Variants in CRIM1 observed in about 807,000 individuals in gnomAD.
CRIM1 encodes the protein cysteine rich transmembrane BMP regulator 1, also known as cysteine-rich motor neuron 1 protein.
CRIM1 carries 32 observed loss-of-function variants against 116.4 expected under a neutral mutation model. That is an observed-to-expected ratio of 0.27 (90% CI 0.21 to 0.37). CRIM1 has a LOEUF of 0.37. CRIM1 is among the 10% of genes least tolerant of loss of function. CRIM1 has a pLI of 1.00. For synonymous variants in CRIM1, 590 were observed against 509.2 expected, an observed-to-expected ratio of 1.16 and a Z score of -2.13; for missense variants, 1,331 against 1,354.8, an observed-to-expected ratio of 0.98 and a Z score of 0.28.
chr2:36,377,054 C>G (rs890217980), intron 1 of CRIM1, among the ~76,000 whole-genome samples: 1 of 152,188 alleles, frequency 6.6e-6, no homozygotes, highest in African/African-American at 2.4e-5. Flanking sequence ...CTTGCCTCCC[C>G]CCATGTGGGT....
intron 2 of CRIM1, among the ~76,000 whole-genome samples, chr2:36,432,779 C>G (rs1674992227): frequency 6.9e-6 from 1 of 144,258 alleles, no homozygotes; most frequent in South Asian, 2.2e-4. Flanking sequence ...TTGGAGTCAG[C>G]TGGGGAACTG....
intron 7 of CRIM1, among the ~76,000 whole-genome samples, chr2:36,497,770 C>T (rs1680702957): frequency 6.6e-6 from 1 of 152,182 alleles, no homozygotes; most frequent in Admixed American, 6.5e-5. Flanking sequence ...GTCATCGTTG[C>T]CTGCTACCTG....
At chr2:36,445,900 G>A (rs1475280724) in intron 4 of CRIM1, among the ~76,000 whole-genome samples, 6 of 152,064 alleles carry the variant, frequency 3.9e-5, no homozygotes, top group Non-Finnish European at 8.8e-5. Context: ...GCATATTTAG[G>A]CATAAAGAAG....
intron 1 of CRIM1, among the ~76,000 whole-genome samples, chr2:36,383,768 C>T (rs376067946): frequency 7.9e-5 from 12 of 152,070 alleles, no homozygotes; most frequent in African/African-American, 2.9e-4. Context: ...GCTGGGCACA[C>T]TATGGTAGTA....
Position 36,414,942 on chromosome 2 carries a change from T to G in CRIM1, c.505+18155T>G, listed in dbSNP as rs572275527. ...GATGGAGATGAGAGGATGCCCTTTT[T>G]AAGATCAACTGTGGCTGCCATGTGG... On this transcript the variant is annotated intron_variant, in intron 2 of 16. Coordinates refer to ENST00000280527, the MANE Select transcript of CRIM1 (RefSeq NM_016441.3). Among the ~76,000 whole-genome samples the G allele has an allele frequency of 2.2e-4, 34 of 152,274 alleles. 1 individual carries two copies. Among genetic ancestry groups the G allele is most frequent in the African/African-American group, 7.9e-4 (33 of 41,550 alleles).
intron 1 of CRIM1, among the ~76,000 whole-genome samples, chr2:36,391,837 T>G (rs531938372): frequency 6.6e-6 from 1 of 152,104 alleles, no homozygotes; most frequent in South Asian, 2.1e-4. Context: ...CCTGATACTT[T>G]AGTATGAATA....
intron 12 of CRIM1, among the ~76,000 whole-genome samples, chr2:36,520,936 T>C (rs1418190110): frequency 6.6e-6 from 1 of 152,318 alleles, no homozygotes; most frequent in Admixed American, 6.5e-5. Context: ...ACTCTTTTGA[T>C]TGTGTATGCA....
intron 2 of CRIM1, among the ~76,000 whole-genome samples, chr2:36,419,008 C>T (rs1673849026): frequency 6.6e-6 from 1 of 152,310 alleles, no homozygotes; most frequent in South Asian, 2.1e-4. Flanking sequence ...TCCTTCCTCT[C>T]TCCTGCTGTA....
At chr2:36,473,005 G>T (rs1408691166) in intron 5 of CRIM1, among the ~76,000 whole-genome samples, 1 of 152,136 alleles carries the variant, frequency 6.6e-6, no homozygotes, top group African/African-American at 2.4e-5. Flanking sequence ...TGTAGTACGT[G>T]TGCACACATA....
At chr2:36,533,557 A>G (rs557618932) in intron 13 of CRIM1, among the ~76,000 whole-genome samples, 29 of 152,222 alleles carry the variant, frequency 1.9e-4, no homozygotes, top group African/African-American at 6.7e-4. Flanking sequence ...TTGCACCACT[A>G]CACTCCAGCC....
Position 36,466,543 on chromosome 2 carries a change from T to C in CRIM1, c.991+1888T>C, listed in dbSNP as rs550031471. Among the ~76,000 whole-genome samples, 7 of 152,340 alleles carry C rather than the reference T, an allele frequency of 4.6e-5. No homozygotes were observed. The South Asian group carries it at 1.4e-3, about 32-fold the overall frequency. ...CCCTGGGTTCCCAGCATCTCAGATA[T>C]GCTTCATCCAGTGCTCATCACTTGG... On this transcript the variant is annotated intron_variant, in intron 5 of 16. Transcript: ENST00000280527.
chr2:36,516,029 C>T (rs142801781), intron 11 of CRIM1, among the ~76,000 whole-genome samples: 121 of 152,290 alleles, frequency 7.9e-4, no homozygotes, highest in Middle Eastern at 6.8e-3. Context: ...TGAATGTAAG[C>T]ATTGATTGAT....
chr2:36,393,859 T>G (rs1671813857), intron 1 of CRIM1, among the ~76,000 whole-genome samples: 1 of 152,118 alleles, frequency 6.6e-6, no homozygotes, highest in Admixed American at 6.5e-5. Flanking sequence ...GAAAAATGAG[T>G]CTGCAGAAGT....
intron 7 of CRIM1, among the ~76,000 whole-genome samples, chr2:36,486,362 C>G (rs1463149425): frequency 6.6e-6 from 1 of 152,124 alleles, no homozygotes; most frequent in African/African-American, 2.4e-5. Flanking sequence ...TCTCCAAGTC[C>G]AGCATGTCTT....
intron 1 of CRIM1, among the ~76,000 whole-genome samples, chr2:36,364,731 C>T (rs1205595839): frequency 6.6e-6 from 1 of 151,908 alleles, no homozygotes; most frequent in Non-Finnish European, 1.5e-5. Context: ...GCTTCAGTTC[C>T]CTCATCTGTG....
rs848499 is a variant in CRIM1 at position 36,432,800 on chromosome 2, T to C, written c.506-8458T>C. On this transcript the variant is annotated intron_variant, in intron 2 of 16. Transcript: ENST00000280527. ...TCAGCTGGGGAACTGTAAAAAAAAA[T>C]ATATACCGATACCAGGGTACCACTT... is the stretch of plus-strand genomic sequence containing the variant. Among the ~76,000 whole-genome samples the C allele has an allele frequency of 3.5e-3, 523 of 150,800 alleles. 3 individuals carry two copies. The highest frequency in any genetic ancestry group is 0.012 in the African/African-American group (492 of 41,068).
chr2:36,371,211 T>G (rs1307055078), intron 1 of CRIM1, among the ~76,000 whole-genome samples: 1 of 152,188 alleles, frequency 6.6e-6, no homozygotes, highest in African/African-American at 2.4e-5. Context: ...CTCTTTCCTT[T>G]GTGAAGCCTT....
chr2:36,493,119 G>A (rs1680346058), intron 7 of CRIM1, among the ~76,000 whole-genome samples: 1 of 152,116 alleles, frequency 6.6e-6, no homozygotes, highest in Non-Finnish European at 1.5e-5. Context: ...AGAAATGTAA[G>A]AATGTGTGTG....
At chr2:36,385,318 G>A (rs908361533) in intron 1 of CRIM1, among the ~76,000 whole-genome samples, 1 of 152,204 alleles carries the variant, frequency 6.6e-6, no homozygotes, top group Non-Finnish European at 1.5e-5. Context: ...TTGCAAAAAT[G>A]ATTGCTAGCT....
Sources: gnomAD v4.1 joint callset for allele counts (sites outside exome capture counted in the v4.1 genomes callset) on GRCh38, gnomAD v4.1.1 for gene constraint, MANE v1.5 for transcripts, NCBI Gene and HGNC (gene_info 2026-07-23, HGNC 2026-07-21) for gene names.